The following UHRF2 variants were observed in gnomAD, a reference collection of about 807,000 sequenced individuals.
UHRF2 encodes ubiquitin like with PHD and ring finger domains 2, also known as E3 ubiquitin-protein ligase UHRF2.
Under a neutral mutation model 96.8 loss-of-function variants are expected in UHRF2, and 23 were observed. The ratio of observed to expected loss-of-function variants is 0.24; its 90% confidence interval spans 0.17 to 0.34. The LOEUF (loss-of-function observed/expected upper bound fraction) is 0.34, where lower values mean the gene tolerates loss of function less well. Ranked by LOEUF, UHRF2 falls within the 10% of genes least tolerant of loss-of-function variation. The pLI is 1.00. For synonymous variants in UHRF2, 385 were observed against 332.6 expected, an observed-to-expected ratio of 1.16 and a Z score of -1.72; for missense variants, 685 against 981.5, an observed-to-expected ratio of 0.70 and a Z score of 4.04.
chr9:6,445,806 C>T (rs980722121), intron 3 of UHRF2, among the ~76,000 whole-genome samples: 1 of 152,038 alleles, frequency 6.6e-6, no homozygotes, highest in Admixed American at 6.6e-5. Flanking sequence ...TCAAGCAGTC[C>T]TTCCCCCTTG....
intron 10 of UHRF2, 165 bp from the exon 11 acceptor site, chr9:6,497,033 T>A: frequency 1.5e-6 from 1 of 671,314 alleles, no homozygotes; most frequent in Non-Finnish European, 2.3e-6. Context: ...TTGTCTTCTC[T>A]GCTGGTGGGG....
intron 4 of UHRF2, among the ~76,000 whole-genome samples, chr9:6,462,109 C>T (rs1484202743): frequency 1.3e-5 from 2 of 151,892 alleles, no homozygotes; most frequent in African/African-American, 4.8e-5. Flanking sequence ...AAATCTAAAG[C>T]GAGGATAGGC....
chr9:6,415,784 G>A (rs137883549), intron 1 of UHRF2, among the ~76,000 whole-genome samples: 3 of 152,154 alleles, frequency 2.0e-5, no homozygotes, highest in Admixed American at 6.5e-5. Flanking sequence ...GCTCACCCCA[G>A]AACTGCAAGT....
chr9:6,455,963 A>G (rs1243649070), intron 3 of UHRF2, among the ~76,000 whole-genome samples: 1 of 152,224 alleles, frequency 6.6e-6, no homozygotes, highest in South Asian at 2.1e-4. Flanking sequence ...AGCCTGGGTG[A>G]CAGAGTGAAA....
chr9:6,502,623 G>A (rs1297893195), intron 14 of UHRF2, among the ~76,000 whole-genome samples: 3 of 152,144 alleles, frequency 2.0e-5, no homozygotes, highest in Admixed American at 6.5e-5. Flanking sequence ...GTTTTTGTTT[G>A]TTTACTCTGC....
chr9:6,446,759 C>T (rs192660359), intron 3 of UHRF2, among the ~76,000 whole-genome samples: 1 of 151,736 alleles, frequency 6.6e-6, no homozygotes, highest in East Asian at 2.0e-4. Context: ...GCAGGAGAAT[C>T]ACTTGAACCC....
intron 3 of UHRF2, among the ~76,000 whole-genome samples, chr9:6,435,490 A>G (rs1820789849): frequency 6.6e-6 from 1 of 152,220 alleles, no homozygotes; most frequent in African/African-American, 2.4e-5. Context: ...TTTAAAGAGT[A>G]TAATTCGTTG....
At chr9:6,445,130 TAAAAA>T (rs34294660) in intron 3 of UHRF2, among the ~76,000 whole-genome samples, 11 of 114,148 alleles carry the variant, frequency 9.6e-5, no homozygotes, top group Middle Eastern at 4.3e-3. Context: ...ATCTCTTATT[TAAAAA>T]AAAAAAAAAA....
At chr9:6,458,894 A>G (rs1822349368) in intron 3 of UHRF2, among the ~76,000 whole-genome samples, 1 of 152,266 alleles carries the variant, frequency 6.6e-6, no homozygotes, top group African/African-American at 2.4e-5. Context: ...GCCATAAAAA[A>G]GGATGAGTTC....
Position 6,481,609 on chromosome 9 carries a change from T to C in UHRF2, c.1161-34T>C, listed in dbSNP as rs1823932196. 4 of 1,602,512 alleles carry C rather than the reference T, an allele frequency of 2.5e-6. No homozygotes were observed. In the East Asian group the frequency reaches 8.9e-5, roughly 36 times the overall value. ...TGTTACTAGCTTTAATATGGTATTG[T>C]GAAAATGCCTTCGTTCTTTTTTTTC... On this transcript the variant is annotated intron_variant, in intron 6 of 15. Transcript: ENST00000276893.
intron 14 of UHRF2, 23 bp from the exon 15 acceptor site, chr9:6,504,570 C>G: frequency 6.3e-7 from 1 of 1,576,812 alleles, no homozygotes; most frequent in Non-Finnish European, 8.7e-7. Flanking sequence ...CTTTTCTTTC[C>G]TTATCCTTGG....
In UHRF2 at chr9:6,456,265, T is replaced by C. The variant is rs574365397; in HGVS notation, c.645-4308T>C. ...ATATGGTATCTCAGTGTGGTTTTGA[T>C]GTGCGTTTCTCTAATGACCAGTGAT... On this transcript the variant is annotated intron_variant, in intron 3 of 15. Transcript: ENST00000276893. Among the ~76,000 whole-genome samples the C allele has an allele frequency of 3.9e-5, 6 of 152,324 alleles. 1 individual carries two copies. The highest frequency in any genetic ancestry group is 3.9e-4 in the Admixed American group (6 of 15,292).
intron 4 of UHRF2, among the ~76,000 whole-genome samples, chr9:6,469,274 C>A (rs1440121511): frequency 6.6e-6 from 1 of 152,158 alleles, no homozygotes; most frequent in Non-Finnish European, 1.5e-5. Context: ...AATCCCAGCA[C>A]TTTGGGAGGC....
intron 2 of UHRF2, among the ~76,000 whole-genome samples, chr9:6,424,822 T>C (rs905562243): frequency 1.3e-5 from 2 of 151,358 alleles, no homozygotes; most frequent in Non-Finnish European, 2.9e-5. Context: ...TGAGGAGCTC[T>C]GGTCAGGTAT....
rs564871012 is a variant in UHRF2 at position 6,413,373 on chromosome 9, G to C, written c.-118G>C. On this transcript the variant is annotated 5_prime_UTR_variant, in exon 1 of 16. Transcript: ENST00000276893. ...GGCGTCCGGTCGGTCCGGTGGGCGC[G>C]CTCGCCCGCCTGCCGCTGAGGGCCC... is the stretch of plus-strand genomic sequence containing the variant. The C allele has an allele frequency of 9.3e-7, 1 of 1,072,040 alleles. No homozygotes were observed. The highest frequency in any genetic ancestry group is 1.2e-6 in the Non-Finnish European group (1 of 854,854). 66.4% of individuals were successfully genotyped at this position (1,072,040 alleles called of 1,614,324 possible). A position where few individuals can be genotyped will look rare whatever the true frequency, so the allele number is the denominator to read the frequency against.
intron 8 of UHRF2, among the ~76,000 whole-genome samples, chr9:6,485,910 A>G (rs1418672839): frequency 6.6e-6 from 1 of 151,706 alleles, no homozygotes; most frequent in Non-Finnish European, 1.5e-5. Flanking sequence ...AAGAAGTGAC[A>G]CTTGTTTCAG....
intron 10 of UHRF2, chr9:6,496,516 GTTC>G (rs1351986542): frequency 2.0e-5 from 3 of 152,166 alleles, no homozygotes; most frequent in Non-Finnish European, 4.4e-5. Flanking sequence ...CCAATTCAGT[GTTC>G]TTCTTTGACC....
At chr9:6,456,513 CT>C (rs1822185559) in intron 3 of UHRF2, among the ~76,000 whole-genome samples, 1 of 152,126 alleles carries the variant, frequency 6.6e-6, no homozygotes, top group Admixed American at 6.5e-5. Flanking sequence ...GTTTCTTTTG[CT>C]GTGCAGCAGC....
chr9:6,413,805 C>G, intron 1 of UHRF2, 162 bp downstream of exon 1: 1 of 913,906 alleles, frequency 1.1e-6, no homozygotes. Flanking sequence ...GGGCCCAGTC[C>G]CGCCGAATGG....
Sources: allele counts gnomAD v4.1 joint callset (sites outside exome capture counted in the v4.1 genomes callset), GRCh38; gene constraint gnomAD v4.1.1; transcripts MANE v1.5; gene names NCBI Gene and HGNC (gene_info 2026-07-23, HGNC 2026-07-21).